ZNF438: variants seen among roughly 807,000 people sequenced by gnomAD.
ZNF438 encodes the protein zinc finger protein 438.
A neutral mutation model predicts 38.0 loss-of-function variants in ZNF438; 25 were observed. That is an observed-to-expected ratio of 0.66 (90% CI 0.48 to 0.92). The LOEUF is 0.92. ZNF438 is among the 40% of genes least tolerant of loss of function. ZNF438 has a pLI of 0.00. For missense variants in ZNF438, 1,007 were observed against 999.6 expected (o/e 1.01, Z -0.10); for synonymous variants, 372 against 364.1 (o/e 1.02, Z -0.25).
intron 2 of ZNF438, among the ~76,000 whole-genome samples, chr10:30,915,755 T>C (rs550259920): frequency 1.3e-5 from 2 of 152,180 alleles, no homozygotes; most frequent in African/African-American, 4.8e-5. Flanking sequence ...GAAAATATAT[T>C]ATGGGAGTCA....
chr10:31,016,598 A>G (rs536877406), intron 1 of ZNF438, among the ~76,000 whole-genome samples: 4 of 151,920 alleles, frequency 2.6e-5, no homozygotes, highest in African/African-American at 9.7e-5. Context: ...TTCTCTTACC[A>G]CTCCTTGGGG....
intron 5 of ZNF438, among the ~76,000 whole-genome samples, chr10:30,847,095 A>G (rs2032346084): frequency 6.6e-6 from 1 of 152,150 alleles, no homozygotes; most frequent in South Asian, 2.1e-4. Context: ...GGTGCCATAA[A>G]CAGAAGCAGG....
chr10:31,011,835 C>T (rs994413412), intron 1 of ZNF438, among the ~76,000 whole-genome samples: 1 of 152,216 alleles, frequency 6.6e-6, no homozygotes, highest in Non-Finnish European at 1.5e-5. Context: ...GTCTCTGACT[C>T]ACACTTTCAA....
intron 1 of ZNF438, among the ~76,000 whole-genome samples, chr10:30,988,472 A>T (rs2136648308): frequency 6.6e-6 from 1 of 152,116 alleles, no homozygotes; most frequent in African/African-American, 2.4e-5. Context: ...AATCTCCCTT[A>T]TGTAGTATAT....
chr10:30,915,765 A>C (rs1186362790), intron 2 of ZNF438, among the ~76,000 whole-genome samples: 1 of 152,096 alleles, frequency 6.6e-6, no homozygotes, highest in Non-Finnish European at 1.5e-5. Flanking sequence ...TATGGGAGTC[A>C]TTCTCCATGA....
chr10:30,917,281 G>T (rs2043755778), intron 2 of ZNF438, among the ~76,000 whole-genome samples: 1 of 152,186 alleles, frequency 6.6e-6, no homozygotes, highest in East Asian at 1.9e-4. Flanking sequence ...TGGCTAGTAT[G>T]ATTGAAGCTA....
intron 2 of ZNF438, among the ~76,000 whole-genome samples, chr10:30,916,137 T>C (rs2043605294): frequency 6.6e-6 from 1 of 152,042 alleles, no homozygotes; most frequent in Non-Finnish European, 1.5e-5. Context: ...AATTCGCTTT[T>C]AAGATACAGC....
At chr10:30,844,688 T>G (rs1367666190) in exon 6 of ZNF438, 2 of 350,894 alleles carry the variant, frequency 5.7e-6, no homozygotes, top group Non-Finnish European at 1.0e-5. Flanking sequence ...AATTTCAATC[T>G]TCAAATTTTG....
intron 2 of ZNF438, among the ~76,000 whole-genome samples, chr10:30,914,117 T>C (rs1490211165): frequency 6.6e-6 from 1 of 152,166 alleles, no homozygotes; most frequent in Non-Finnish European, 1.5e-5. Flanking sequence ...ATGAACAAGT[T>C]ATTAATAAAC....
intron 1 of ZNF438, among the ~76,000 whole-genome samples, chr10:30,944,014 G>A (rs1235235254): frequency 6.6e-6 from 1 of 152,138 alleles, no homozygotes; most frequent in African/African-American, 2.4e-5. Flanking sequence ...ATGACATAAG[G>A]AACTGAAAGT....
chr10:30,936,138 G>A (rs1318217160), intron 2 of ZNF438, among the ~76,000 whole-genome samples: 1 of 152,172 alleles, frequency 6.6e-6, no homozygotes, highest in Non-Finnish European at 1.5e-5. Context: ...ATCAAATCCA[G>A]TTTCTATTGC....
At chr10:31,001,221 T>TA (rs1398496897) in intron 1 of ZNF438, among the ~76,000 whole-genome samples, 1 of 152,168 alleles carries the variant, frequency 6.6e-6, no homozygotes, top group Non-Finnish European at 1.5e-5. Context: ...AAAAATGTTT[T>TA]AAAAAAACAA....
chr10:30,869,486 T>G (rs10826883), intron 4 of ZNF438, among the ~76,000 whole-genome samples: 68,070 of 151,774 alleles, frequency 0.45, 15,769 homozygotes, highest in African/African-American at 0.56. Flanking sequence ...ACTCTAATAT[T>G]TTATTTCAAC....
At chr10:31,003,654 C>A (rs1436496225) in intron 1 of ZNF438, among the ~76,000 whole-genome samples, 1 of 152,170 alleles carries the variant, frequency 6.6e-6, no homozygotes, top group African/African-American at 2.4e-5. Flanking sequence ...TTATCATATG[C>A]CCTACTACCA....
At chr10:30,945,413 C>CT (rs1208256959) in intron 1 of ZNF438, among the ~76,000 whole-genome samples, 3 of 146,194 alleles carry the variant, frequency 2.1e-5, no homozygotes, top group East Asian at 4.0e-4. Flanking sequence ...TTTTTTTTTA[C>CT]TTTTTTTTAT....
intron 4 of ZNF438, among the ~76,000 whole-genome samples, chr10:30,852,855 A>G (rs1375709787): frequency 2.0e-5 from 3 of 152,196 alleles, no homozygotes; most frequent in Admixed American, 6.5e-5. Flanking sequence ...AAATCACTTG[A>G]CAATAGTCAT....
At chr10:30,849,826 C>T (rs568845590) in exon 5 of ZNF438, 53 of 1,614,120 alleles carry the variant, frequency 3.3e-5, no homozygotes, top group South Asian at 7.7e-5. Flanking sequence ...CATTGGTCAG[C>T]GCAGCTGTGC....
chr10:30,948,880 G>C (rs1399897149), intron 1 of ZNF438, among the ~76,000 whole-genome samples: 1 of 151,530 alleles, frequency 6.6e-6, no homozygotes, highest in Non-Finnish European at 1.5e-5. Flanking sequence ...CCAACGTTCA[G>C]ATTCAGGAAA....
intron 4 of ZNF438, among the ~76,000 whole-genome samples, chr10:30,873,755 C>T (rs1015033153): frequency 6.6e-6 from 1 of 152,104 alleles, no homozygotes; most frequent in Non-Finnish European, 1.5e-5. Flanking sequence ...CTGATAGTTC[C>T]TCGTATGAAT....
Sources: gnomAD v4.1 joint callset for allele counts (sites outside exome capture counted in the v4.1 genomes callset) on GRCh38, gnomAD v4.1.1 for gene constraint, MANE v1.5 for transcripts, NCBI Gene and HGNC (gene_info 2026-07-23, HGNC 2026-07-21) for gene names.